AASDHPPT: variants seen among roughly 807,000 people sequenced by gnomAD.
AASDHPPT encodes aminoadipate-semialdehyde dehydrogenase-phosphopantetheinyl transferase, also known as L-aminoadipate-semialdehyde dehydrogenase-phosphopantetheinyl transferase.
In AASDHPPT, 23 loss-of-function variants were observed where a neutral mutation model predicts 36.4. The ratio of observed to expected loss-of-function variants is 0.63; its 90% confidence interval spans 0.45 to 0.89. The LOEUF is 0.89. AASDHPPT is among the 40% of genes least tolerant of loss of function. The probability of loss-of-function intolerance (pLI) is 0.00; values close to 1 mark genes in which losing one functional copy is unlikely to be tolerated. For missense variants in AASDHPPT, 377 were observed against 378.2 expected (o/e 1.00, Z 0.03); for synonymous variants, 115 against 128.0 (o/e 0.90, Z 0.68).
chr11:106,078,391 C>G (rs1861089453), intron 1 of AASDHPPT, among the ~76,000 whole-genome samples: 1 of 152,048 alleles, frequency 6.6e-6, no homozygotes. Flanking sequence ...GGATTGAAGC[C>G]AATGAAATTG....
chr11:106,094,977 T>C (rs934863336), intron 5 of AASDHPPT, among the ~76,000 whole-genome samples: 1 of 152,000 alleles, frequency 6.6e-6, no homozygotes, highest in Admixed American at 6.6e-5. Flanking sequence ...AATACAAAAT[T>C]AGCCAGGTGT....
chr11:106,091,559 C>A, intron 4 of AASDHPPT, 82 bp downstream of exon 4: 1 of 1,400,560 alleles, frequency 7.1e-7, no homozygotes, highest in South Asian at 1.5e-5. Context: ...GTAAGCTAGT[C>A]ACTGAATTTG....
At chr11:106,083,011 T>C (rs1019560928) in intron 2 of AASDHPPT, among the ~76,000 whole-genome samples, 8 of 152,206 alleles carry the variant, frequency 5.3e-5, no homozygotes, top group African/African-American at 1.9e-4. Flanking sequence ...CATGTTCGTC[T>C]TTACATTTTT....
At chr11:106,077,969 G>C in intron 1 of AASDHPPT, 76 bp downstream of exon 1, 2 of 1,510,258 alleles carry the variant, frequency 1.3e-6, no homozygotes, top group Non-Finnish European at 1.8e-6. Flanking sequence ...GTGGAGACCC[G>C]ACACTCCCGC....
intron 4 of AASDHPPT, chr11:106,093,461 T>C (rs1861277107): frequency 1.3e-5 from 2 of 152,208 alleles, no homozygotes; most frequent in South Asian, 4.1e-4. Flanking sequence ...CAGGGCTACA[T>C]AGCAGACTTA....
At chr11:106,096,539 G>T in intron 5 of AASDHPPT, 1 of 400,802 alleles carries the variant, frequency 2.5e-6, no homozygotes, top group East Asian at 4.0e-5. Flanking sequence ...AAAAGTTCAA[G>T]AATCAGGTTT....
In AASDHPPT at chr11:106,091,307, G is replaced by T; in HGVS notation, c.532-9G>T. The stretch of plus-strand genomic sequence containing the variant: ...AAATTCTAAGAGAAAATGTCTTTCT[G>T]TATCTTAGGCACTTAAGGAAAGCTT... On this transcript the variant is annotated splice_polypyrimidine_tract_variant and intron_variant, in intron 3 of 5. Coordinates refer to ENST00000278618, the MANE Select transcript of AASDHPPT (RefSeq NM_015423.3). 6.3e-7 allele frequency: 1 copy of T among 1,575,446 alleles called. No homozygotes were observed. Among genetic ancestry groups the T allele is most frequent in the South Asian group, 1.2e-5 (1 of 84,286 alleles).
Position 106,090,682 on chromosome 11 carries a change from T to A in AASDHPPT, c.531+4T>A, listed in dbSNP as rs753099225. 9.5e-6 allele frequency: 15 copies of A among 1,574,434 alleles called. No individual in the cohort carries two copies. The highest frequency in any genetic ancestry group is 1.4e-5 in the African/African-American group (1 of 72,328). On this transcript the variant is annotated splice_donor_region_variant and intron_variant, in intron 3 of 5. Coordinates refer to ENST00000278618, the MANE Select transcript of AASDHPPT (RefSeq NM_015423.3). ...GGATATGTTTTATAGGAATTGGGTATAATTCTTTCTAATTTTGAAAGCAAA... is the reference window on the plus strand; with the variant it reads ...GGATATGTTTTATAGGAATTGGGTAAAATTCTTTCTAATTTTGAAAGCAAA...
chr11:106,090,934 A>G (rs1861249126), intron 3 of AASDHPPT, among the ~76,000 whole-genome samples: 1 of 152,122 alleles, frequency 6.6e-6, no homozygotes, highest in African/African-American at 2.4e-5. Context: ...CCATTGATAA[A>G]TAATATTTTC....
chr11:106,094,476 G>A, intron 4 of AASDHPPT, 107 bp from the exon 5 acceptor site: 1 of 733,854 alleles, frequency 1.4e-6, no homozygotes, highest in Non-Finnish European at 2.1e-6. Flanking sequence ...GTACGTATAT[G>A]TATATATATA....
At chr11:106,083,031 T>G (rs1284068108) in intron 2 of AASDHPPT, among the ~76,000 whole-genome samples, 1 of 152,142 alleles carries the variant, frequency 6.6e-6, no homozygotes, top group Non-Finnish European at 1.5e-5. Flanking sequence ...TAAAATAAAC[T>G]TTGCTGGACT....
At chr11:106,094,700 G>T in intron 5 of AASDHPPT, 46 bp downstream of exon 5, 1 of 1,443,690 alleles carries the variant, frequency 6.9e-7, no homozygotes, top group Non-Finnish European at 9.5e-7. Context: ...ATGAATCAAT[G>T]TTAAGTTTGC....
chr11:106,084,697 T>G (rs1012429853), intron 2 of AASDHPPT, among the ~76,000 whole-genome samples: 3 of 152,006 alleles, frequency 2.0e-5, no homozygotes, highest in African/African-American at 7.2e-5. Context: ...ACATTGGTGC[T>G]TGGCTCACTG....
chr11:106,092,846 G>A (rs947240332), intron 4 of AASDHPPT: 5 of 151,944 alleles, frequency 3.3e-5, no homozygotes, highest in Non-Finnish European at 7.4e-5. Context: ...AGATGATTTC[G>A]CCCACTGTAG....
chr11:106,096,885 T>C lies in AASDHPPT; in HGVS notation c.908T>C (p.Ile303Thr). 6.2e-7 allele frequency: 1 copy of C among 1,609,600 alleles called. No homozygotes were observed. The highest frequency in any genetic ancestry group is 8.5e-7 in the Non-Finnish European group (1 of 1,178,318). ...TTTTGCTTCACAGAAGAAATTCCAA[T>C]ACGAAATGGTACAAAGTCATGATGA... ...DCFCFTEEIP[I>T]RNGTKS Residue 303 changes from isoleucine (I) to threonine (T), a missense_variant, in exon 6 of 6, where the codon ATA becomes ACA. Coordinates refer to ENST00000278618, the MANE Select transcript of AASDHPPT (RefSeq NM_015423.3).
chr11:106,093,058 C>T (rs1326977400), intron 4 of AASDHPPT: 1 of 151,982 alleles, frequency 6.6e-6, no homozygotes, highest in East Asian at 1.9e-4. Flanking sequence ...AAAGAATGAC[C>T]AAAATGGTAT....
rs753578221 is a variant in AASDHPPT at position 106,077,701 on chromosome 11, C to A, written c.-10C>A. ...AGGCCCGAGATAGCGGCGAGGTCCGCTTTCAGTGTATGGTTTTCCCTGCCA... is the reference window on the plus strand; with the variant it reads ...AGGCCCGAGATAGCGGCGAGGTCCGATTTCAGTGTATGGTTTTCCCTGCCA... On this transcript the variant is annotated 5_prime_UTR_variant, in exon 1 of 6. Coordinates refer to ENST00000278618, the MANE Select transcript of AASDHPPT (RefSeq NM_015423.3). The A allele has an allele frequency of 6.2e-7, 1 of 1,608,490 alleles. No individual in the cohort carries two copies. The highest frequency in any genetic ancestry group is 8.5e-7 in the Non-Finnish European group (1 of 1,175,640).
At chr11:106,082,487 A>T (rs1369325607) in intron 2 of AASDHPPT, among the ~76,000 whole-genome samples, 1 of 152,140 alleles carries the variant, frequency 6.6e-6, no homozygotes, top group Non-Finnish European at 1.5e-5. Context: ...TAGATTGCCA[A>T]CTCTAAAGAC....
intron 2 of AASDHPPT, among the ~76,000 whole-genome samples, chr11:106,080,241 G>A (rs560384032): frequency 6.6e-6 from 1 of 152,210 alleles, no homozygotes; most frequent in Non-Finnish European, 1.5e-5. Flanking sequence ...GATGTGGAGG[G>A]CTGACTTCAT....
Sources: allele counts gnomAD v4.1 joint callset (sites outside exome capture counted in the v4.1 genomes callset), GRCh38; gene constraint gnomAD v4.1.1; transcripts MANE v1.5; gene names NCBI Gene and HGNC (gene_info 2026-07-23, HGNC 2026-07-21).